The following ARHGAP20 variants were observed in gnomAD, a reference collection of about 807,000 sequenced individuals.
ARHGAP20 encodes the protein rho GTPase-activating protein 20.
A neutral mutation model predicts 73.7 loss-of-function variants in ARHGAP20; 34 were observed. The ratio of observed to expected loss-of-function variants is 0.46; its 90% CI spans 0.35 to 0.61. ARHGAP20 has a LOEUF of 0.61. Ranked by LOEUF, ARHGAP20 falls within the 20% of genes least tolerant of loss-of-function variation. ARHGAP20 has a pLI of 0.00. For missense variants in ARHGAP20, 1,314 were observed against 1,420.9 expected (o/e 0.92, Z 1.21); for synonymous variants, 523 against 518.2 (o/e 1.01, Z -0.13).
intron 2 of ARHGAP20, among the ~76,000 whole-genome samples, chr11:110,648,242 TATATATATGTAA>T (rs751911105): frequency 0.051 from 5,132 of 100,962 alleles, 160 homozygotes; most frequent in Middle Eastern, 0.098. Context: ...TATATGTAAA[TATATATATGTAA>T]ATATATATAT....
chr11:110,701,149 CCT>C (rs1950442500), intron 1 of ARHGAP20, among the ~76,000 whole-genome samples: 1 of 151,594 alleles, frequency 6.6e-6, no homozygotes, highest in Non-Finnish European at 1.5e-5. Flanking sequence ...GTTCTAGATC[CCT>C]GAGGAATCGC....
chr11:110,686,615 G>A (rs1950137364), intron 2 of ARHGAP20, among the ~76,000 whole-genome samples: 2 of 151,800 alleles, frequency 1.3e-5, no homozygotes, highest in South Asian at 4.2e-4. Flanking sequence ...TGCAACAGTG[G>A]TCCTCCACCA....
Position 110,581,323 on chromosome 11 carries a change from A to C in ARHGAP20, c.1721-98T>G, listed in dbSNP as rs1947462481. 3.3e-6 allele frequency: 4 copies of C among 1,228,800 alleles called. No individual in the cohort carries two copies. In the South Asian group the frequency reaches 6.8e-5, roughly 21 times the overall value. 76.1% of individuals were successfully genotyped at this position (1,228,800 alleles called of 1,614,324 possible). On this transcript the variant is annotated intron_variant, in intron 14 of 14. Transcript: ENST00000683387. ...TTCTCTTTTCATGTGAAGTGTTCAA[A>C]TTCCTACTCTCAAGAAAGAGAGAAT...
At chr11:110,661,282 T>C (rs1461115556) in intron 2 of ARHGAP20, among the ~76,000 whole-genome samples, 1 of 152,178 alleles carries the variant, frequency 6.6e-6, no homozygotes, top group African/African-American at 2.4e-5. Flanking sequence ...GAAGAACTTA[T>C]GTGTTTATCT....
At chr11:110,637,125 C>T (rs1948984521) in intron 2 of ARHGAP20, among the ~76,000 whole-genome samples, 1 of 152,022 alleles carries the variant, frequency 6.6e-6, no homozygotes, top group Non-Finnish European at 1.5e-5. Context: ...TTTCACAAAA[C>T]CTGGCCACAG....
chr11:110,695,077 C>A (rs573985756), intron 1 of ARHGAP20, among the ~76,000 whole-genome samples: 47 of 151,736 alleles, frequency 3.1e-4, no homozygotes, highest in African/African-American at 1.0e-3. Flanking sequence ...ACATAGTAAA[C>A]ATCTGCCTGA....
rs748670853 is a variant in ARHGAP20, at chr11:110,580,705, T to C, written c.2241A>G (p.Gln747=). 1 of 1,613,918 alleles carries C rather than the reference T, an allele frequency of 6.2e-7. No individual in the cohort carries two copies. Among genetic ancestry groups the C allele is most frequent in the Non-Finnish European group, 8.5e-7 (1 of 1,179,840 alleles). ...ATGTCTTTCCTTCCTCCTGGAGGGG[T>C]TGATTCTGCTTCAGATAGTCTTCAT... ...QKDEDYLKQN[Q]PLQEEGKTCF... The change falls in exon 15 of 15, where the codon CAA becomes CAG. Residue 747 remains glutamine (Q), a synonymous_variant. Coordinates refer to ENST00000683387, the MANE Select transcript of ARHGAP20 (RefSeq NM_001384657.1).
At chr11:110,700,811 T>C (rs1282215034) in intron 1 of ARHGAP20, among the ~76,000 whole-genome samples, 2 of 144,438 alleles carry the variant, frequency 1.4e-5, no homozygotes, top group South Asian at 2.2e-4. Context: ...CATTGTTCAA[T>C]TCCCACCTAA....
In ARHGAP20 at chr11:110,577,209, G is replaced by GATAT. The variant is rs965720405; in HGVS notation, c.*2157_*2160dup. 2.0e-6 allele frequency: 3 copies of GATAT among 1,519,282 alleles called. No homozygotes were observed. In the African/African-American group the frequency reaches 4.1e-5, roughly 21 times the overall value. The allele number at this position is 1,519,282 out of a possible 1,614,324, so 94.1% of individuals were successfully genotyped here. A position where few individuals can be genotyped will look rare whatever the true frequency, so the allele number is the denominator to read the frequency against. On this transcript the variant is annotated 3_prime_UTR_variant, in exon 15 of 15. Transcript: ENST00000683387. Reference sequence around the variant, plus strand: ...AACATATGGTAGTAAAATTTGTCAAGATATATTATACAAACTCAAAGCATT... The same window carrying GATAT: ...AACATATGGTAGTAAAATTTGTCAAGATATATATATTATACAAACTCAAAGCATT...
intron 2 of ARHGAP20, among the ~76,000 whole-genome samples, chr11:110,633,109 G>GT (rs1349171988): frequency 2.6e-5 from 4 of 152,054 alleles, no homozygotes; most frequent in Non-Finnish European, 4.4e-5. Context: ...ATGATTTTTA[G>GT]TTTTTACATT....
chr11:110,650,974 T>C (rs1471482413), intron 2 of ARHGAP20, among the ~76,000 whole-genome samples: 1 of 152,112 alleles, frequency 6.6e-6, no homozygotes, highest in Non-Finnish European at 1.5e-5. Context: ...ATTCTAAAAT[T>C]GATCACATAA....
intron 12 of ARHGAP20, 86 bp from the exon 13 acceptor site, chr11:110,583,823 A>G (rs1169526188): frequency 1.8e-6 from 2 of 1,130,048 alleles, no homozygotes; most frequent in African/African-American, 3.1e-5. Context: ...AATGGGGAAG[A>G]GGGAAATCAA....
At chr11:110,699,442 T>C (rs1267224580) in intron 1 of ARHGAP20, among the ~76,000 whole-genome samples, 1 of 151,962 alleles carries the variant, frequency 6.6e-6, no homozygotes, top group Non-Finnish European at 1.5e-5. Flanking sequence ...TCAGTTTAAG[T>C]CCAGAGTTTC....
chr11:110,687,035 CATATAT>C (rs142490183), intron 2 of ARHGAP20, among the ~76,000 whole-genome samples: 2,702 of 122,016 alleles, frequency 0.022, 110 homozygotes, highest in Middle Eastern at 0.061. Flanking sequence ...AAGATTAAAA[CATATAT>C]ATATATATAT....
intron 11 of ARHGAP20, among the ~76,000 whole-genome samples, chr11:110,588,563 C>T (rs182283541): frequency 6.6e-6 from 1 of 152,132 alleles, no homozygotes; most frequent in African/African-American, 2.4e-5. Context: ...GTAAAACATA[C>T]GATAAAATGT....
intron 9 of ARHGAP20, among the ~76,000 whole-genome samples, chr11:110,595,351 T>C (rs1190363932): frequency 2.0e-5 from 3 of 152,166 alleles, no homozygotes; most frequent in Non-Finnish European, 2.9e-5. Flanking sequence ...GGAAGTCAAA[T>C]TGTCCCTGTT....
At chr11:110,658,043 G>A (rs1265208582) in intron 2 of ARHGAP20, among the ~76,000 whole-genome samples, 1 of 152,144 alleles carries the variant, frequency 6.6e-6, no homozygotes, top group Non-Finnish European at 1.5e-5. Flanking sequence ...TTAAGAGTCA[G>A]ACAGACCTGA....
At position 110,709,330 on chromosome 11, in the gene ARHGAP20, C is replaced by T. The variant is rs184246050; in HGVS notation, c.105+2797G>A. Among the ~76,000 whole-genome samples, 5 of 152,250 alleles carry T rather than the reference C, an allele frequency of 3.3e-5. No homozygotes were observed. In the East Asian group the frequency reaches 7.7e-4, roughly 23 times the overall value. ...CTGTACATAACCCAACTAATATTTA[C>T]GGAAAATCTAATATATAGCAGACAC... On this transcript the variant is annotated intron_variant, in intron 1 of 14. Transcript: ENST00000683387.
chr11:110,660,445 A>G (rs2135041328), intron 2 of ARHGAP20, among the ~76,000 whole-genome samples: 1 of 152,306 alleles, frequency 6.6e-6, no homozygotes, highest in African/African-American at 2.4e-5. Context: ...TTGTTCTTCC[A>G]ACAGTTTTCA....
Sources: allele counts gnomAD v4.1 joint callset (sites outside exome capture counted in the v4.1 genomes callset), GRCh38; gene constraint gnomAD v4.1.1; transcripts MANE v1.5; gene names NCBI Gene and HGNC (gene_info 2026-07-23, HGNC 2026-07-21).